The following CAP2 variants were observed in gnomAD, a reference collection of about 807,000 sequenced individuals.
CAP2 encodes the protein adenylyl cyclase-associated protein 2.
CAP2 carries 24 observed loss-of-function variants against 57.7 expected under a neutral mutation model. The ratio of observed to expected loss-of-function variants is 0.42; its 90% CI spans 0.30 to 0.58. The LOEUF (loss-of-function observed/expected upper bound fraction) is 0.58, where lower values mean the gene tolerates loss of function less well. CAP2 is among the 20% of genes least tolerant of loss of function. The pLI is 0.22. For missense variants in CAP2, 501 were observed against 590.3 expected (o/e 0.85, Z 1.57); for synonymous variants, 194 against 207.2 (o/e 0.94, Z 0.55).
chr6:17,410,614 G>C (rs918444680), intron 1 of CAP2, among the ~76,000 whole-genome samples: 8 of 151,630 alleles, frequency 5.3e-5, no homozygotes, highest in African/African-American at 1.9e-4. Context: ...CTGGAGTGCA[G>C]TGGCATGATC....
rs142665199 is a variant in CAP2, at chr6:17,421,913, C to T, written c.121+237C>T. On this transcript the variant is annotated intron_variant, in intron 2 of 12. Transcript: ENST00000229922. ...TCTGTGCCTTTTAGAGACAGGGTCT[C>T]GCTCTATCACCCAGGCTGGAGTGCA... Among the ~76,000 whole-genome samples the T allele has an allele frequency of 1.1e-4, 17 of 152,350 alleles. No individual in the cohort carries two copies. In the East Asian group the frequency reaches 1.9e-3, roughly 17 times the overall value.
chr6:17,434,918 A>G (rs1759831549), intron 3 of CAP2, among the ~76,000 whole-genome samples: 1 of 147,544 alleles, frequency 6.8e-6, no homozygotes, highest in Non-Finnish European at 1.5e-5. Flanking sequence ...CAGCCAAAAA[A>G]CACATGAAGA....
intron 4 of CAP2, among the ~76,000 whole-genome samples, chr6:17,494,846 T>C (rs977514434): frequency 1.3e-5 from 2 of 152,204 alleles, no homozygotes; most frequent in Non-Finnish European, 2.9e-5. Flanking sequence ...TCCAATCAGT[T>C]GAAGGCCTGA....
chr6:17,487,595 G>T (rs1187819775), intron 4 of CAP2, among the ~76,000 whole-genome samples: 1 of 152,036 alleles, frequency 6.6e-6, no homozygotes, highest in Non-Finnish European at 1.5e-5. Context: ...TCAGCTTCCT[G>T]AGTAGCTGGG....
intron 1 of CAP2, among the ~76,000 whole-genome samples, chr6:17,417,683 C>T (rs977457129): frequency 8.5e-5 from 13 of 152,158 alleles, no homozygotes; most frequent in African/African-American, 2.9e-4. Flanking sequence ...ATCCTTTGAC[C>T]TTTCCTTGCC....
chr6:17,466,542 A>G (rs1158884485), intron 4 of CAP2, among the ~76,000 whole-genome samples: 2 of 152,220 alleles, frequency 1.3e-5, no homozygotes, highest in Non-Finnish European at 2.9e-5. Flanking sequence ...AACGGTCTCT[A>G]GACCACTGCT....
chr6:17,414,612 C>T (rs914066841), intron 1 of CAP2, among the ~76,000 whole-genome samples: 76 of 152,290 alleles, frequency 5.0e-4, no homozygotes, highest in Non-Finnish European at 5.7e-4. Context: ...GCATAGTATT[C>T]CATGGTGTAT....
intron 3 of CAP2, among the ~76,000 whole-genome samples, chr6:17,434,658 G>T (rs1031672108): frequency 5.9e-5 from 9 of 152,116 alleles, no homozygotes; most frequent in African/African-American, 2.2e-4. Flanking sequence ...ACCCCTGAAG[G>T]TGATGACTTT....
At chr6:17,505,436 C>G (rs956631935) in intron 4 of CAP2, among the ~76,000 whole-genome samples, 7 of 152,180 alleles carry the variant, frequency 4.6e-5, no homozygotes, top group South Asian at 2.1e-4. Flanking sequence ...ACCTGGGAAG[C>G]TTAAACAATC....
chr6:17,482,009 C>T (rs1036738068), intron 4 of CAP2, among the ~76,000 whole-genome samples: 77 of 152,264 alleles, frequency 5.1e-4, no homozygotes, highest in African/African-American at 1.5e-3. Flanking sequence ...TCTGGATTCT[C>T]ATGATGTTCG....
chr6:17,553,224 G>A (rs953550677), intron 12 of CAP2, among the ~76,000 whole-genome samples: 22 of 152,168 alleles, frequency 1.4e-4, no homozygotes, highest in African/African-American at 4.8e-4. Flanking sequence ...ATGGGCGTGG[G>A]ACCCAGGCAC....
At chr6:17,511,178 C>T (rs938637028) in intron 6 of CAP2, among the ~76,000 whole-genome samples, 10 of 152,056 alleles carry the variant, frequency 6.6e-5, no homozygotes, top group Non-Finnish European at 1.2e-4. Context: ...TAGGAGTAGT[C>T]AAAGCACTCC....
chr6:17,536,675 A>G (rs1762781950), intron 7 of CAP2, among the ~76,000 whole-genome samples: 2 of 152,160 alleles, frequency 1.3e-5, no homozygotes, highest in African/African-American at 4.8e-5. Context: ...TCATTTTAAG[A>G]TTTAGAAGCC....
intron 3 of CAP2, among the ~76,000 whole-genome samples, chr6:17,454,977 T>C (rs74920435): frequency 0.035 from 5,351 of 151,990 alleles, 342 homozygotes; most frequent in African/African-American, 0.12. Flanking sequence ...ATGGTATGAG[T>C]GCATGGTTTT....
intron 7 of CAP2, among the ~76,000 whole-genome samples, chr6:17,527,599 T>TTC (rs1762539654): frequency 1.4e-5 from 2 of 146,598 alleles, no homozygotes; most frequent in African/African-American, 2.5e-5. Flanking sequence ...TTCTCTTTCT[T>TTC]TTTTTTTTTT....
chr6:17,502,496 G>A (rs904228031), intron 4 of CAP2, among the ~76,000 whole-genome samples: 12 of 151,936 alleles, frequency 7.9e-5, no homozygotes, highest in African/African-American at 2.9e-4. Flanking sequence ...GTTGTACTTA[G>A]TTCTGTCAAC....
chr6:17,544,921 C>G (rs536545602), intron 11 of CAP2, among the ~76,000 whole-genome samples: 25 of 152,106 alleles, frequency 1.6e-4, no homozygotes, highest in Non-Finnish European at 3.2e-4. Context: ...CAAACTATTA[C>G]GCATGCAAAT....
At chr6:17,544,888 A>G (rs1212874307) in intron 11 of CAP2, among the ~76,000 whole-genome samples, 1 of 152,126 alleles carries the variant, frequency 6.6e-6, no homozygotes, top group Non-Finnish European at 1.5e-5. Context: ...ACATTTATCC[A>G]TTTAATAACA....
At chr6:17,539,037 A>T (rs1762839677) in intron 7 of CAP2, among the ~76,000 whole-genome samples, 2 of 152,148 alleles carry the variant, frequency 1.3e-5, no homozygotes, top group African/African-American at 4.8e-5. Flanking sequence ...TGCCGCACAG[A>T]TCCTACTGAT....
Sources: gnomAD v4.1 joint callset for allele counts (sites outside exome capture counted in the v4.1 genomes callset) on GRCh38, gnomAD v4.1.1 for gene constraint, MANE v1.5 for transcripts, NCBI Gene and HGNC (gene_info 2026-07-23, HGNC 2026-07-21) for gene names.